KIF6: variants seen among roughly 807,000 people sequenced by gnomAD.
The protein encoded by KIF6 is kinesin family member 6.
A neutral mutation model predicts 112.7 loss-of-function variants in KIF6; 106 were observed. The ratio of observed to expected loss-of-function variants is 0.94; its 90% CI spans 0.80 to 1.11. KIF6 has a LOEUF of 1.11. Ranked by LOEUF, KIF6 falls within the 50% of genes least tolerant of loss-of-function variation. The pLI is 0.00. For missense variants in KIF6, 929 were observed against 964.0 expected, an observed-to-expected ratio of 0.96 and a Z score of 0.48; for synonymous variants, 339 against 339.9, an observed-to-expected ratio of 1.00 and a Z score of 0.03.
intron 13 of KIF6, among the ~76,000 whole-genome samples, chr6:39,465,942 C>T (rs1327810344): frequency 6.6e-6 from 1 of 152,176 alleles, no homozygotes; most frequent in Non-Finnish European, 1.5e-5. Context: ...GCCCCTGAAG[C>T]CCACTTTAAT....
chr6:39,349,135 G>C (rs1764017893), intron 19 of KIF6, among the ~76,000 whole-genome samples: 1 of 152,208 alleles, frequency 6.6e-6, no homozygotes, highest in Non-Finnish European at 1.5e-5. Flanking sequence ...TTGAAGTCCA[G>C]GGTTCTCGAC....
chr6:39,495,945 T>C (rs1028378003), intron 13 of KIF6, among the ~76,000 whole-genome samples: 11 of 152,302 alleles, frequency 7.2e-5, no homozygotes, highest in African/African-American at 2.2e-4. Flanking sequence ...GACCCCAGAA[T>C]AAGAAAGAAG....
Position 39,590,294 on chromosome 6 carries a change from C to CT in KIF6, c.847-3891dup, listed in dbSNP as rs368256644. 1.1e-3 allele frequency among the ~76,000 whole-genome samples: 170 copies of CT among 152,048 alleles called. 2 individuals carry two copies. The highest frequency in any genetic ancestry group is 3.9e-3 in the African/African-American group (162 of 41,492). On this transcript the variant is annotated intron_variant, in intron 7 of 22. Transcript: ENST00000287152. ...GAAGTTCTTATATAAAACAAATTCA[C>CT]TTTTTTTCCTGCTCTAGGAAACAAT...
chr6:39,600,532 T>C (rs922353906), intron 6 of KIF6, among the ~76,000 whole-genome samples: 3 of 152,192 alleles, frequency 2.0e-5, no homozygotes, highest in African/African-American at 7.2e-5. Flanking sequence ...GCTGATCCTC[T>C]AGGTAATATC....
chr6:39,330,212 C>T lies in KIF6; in HGVS notation c.*6320G>A, dbSNP rs919139730. 1 of 152,146 alleles carries T rather than the reference C, an allele frequency of 6.6e-6. No homozygotes were observed. Among genetic ancestry groups the T allele is most frequent in the African/African-American group, 2.4e-5 (1 of 41,422 alleles). The allele number at this position is 152,146 out of a possible 1,614,324, so 9.4% of individuals were successfully genotyped here. On this transcript the variant is annotated 3_prime_UTR_variant, in exon 23 of 23. Transcript: ENST00000287152. ...GGAAGCCCTAAAACAGCTTCATAGGCATAAGTCCTAGAGCACCTTGGGACA... is the reference window on the plus strand; with the variant it reads ...GGAAGCCCTAAAACAGCTTCATAGGTATAAGTCCTAGAGCACCTTGGGACA...
chr6:39,571,615 T>C (rs1273376078), intron 10 of KIF6, among the ~76,000 whole-genome samples: 1 of 152,208 alleles, frequency 6.6e-6, no homozygotes. Context: ...TAAACATTCA[T>C]TAAATGAATG....
intron 13 of KIF6, among the ~76,000 whole-genome samples, chr6:39,473,907 A>T (rs1016625306): frequency 3.3e-5 from 5 of 152,274 alleles, no homozygotes; most frequent in Admixed American, 1.3e-4. Context: ...TTCAATGAAT[A>T]ATTTTCTCTG....
intron 3 of KIF6, among the ~76,000 whole-genome samples, chr6:39,646,848 C>T (rs898019522): frequency 6.6e-6 from 1 of 152,032 alleles, no homozygotes; most frequent in African/African-American, 2.4e-5. Context: ...GCCTTTCACA[C>T]AGTTCTGAGA....
At chr6:39,544,504 C>T (rs1179164718) in intron 12 of KIF6, 51 bp downstream of exon 12, 8 of 1,567,568 alleles carry the variant, frequency 5.1e-6, no homozygotes, top group Non-Finnish European at 6.0e-6. Flanking sequence ...TGCTGTTTAC[C>T]CCTTTCAAAC....
At chr6:39,714,607 C>T (rs1264013601) in intron 3 of KIF6, 85 bp downstream of exon 3, 4 of 874,772 alleles carry the variant, frequency 4.6e-6, no homozygotes, top group African/African-American at 1.7e-5. Context: ...AATTGATACA[C>T]TTAAGCACAC....
Position 39,343,067 on chromosome 6 carries a change from G to T in KIF6, c.2428+642C>A, listed in dbSNP as rs1158152131. 2.0e-6 allele frequency: 2 copies of T among 985,310 alleles called. No homozygotes were observed. Among genetic ancestry groups the T allele is most frequent in the African/African-American group, 1.7e-5 (1 of 57,224 alleles). The allele number at this position is 985,310 out of a possible 1,614,324, so 61.0% of individuals were successfully genotyped here. ...GGGCCCTGGGGCTTGCCCTGTGGGT[G>T]TGTTGGGGATGGAAGGCAGAAAGAG... On this transcript the variant is annotated intron_variant, in intron 22 of 22. Transcript: ENST00000287152. The surrounding 1 kb of genome is among the most constrained non-coding windows in gnomAD (Gnocchi z 4.1).
intron 13 of KIF6, among the ~76,000 whole-genome samples, chr6:39,470,477 C>G (rs1774054439): frequency 6.6e-6 from 1 of 152,060 alleles, no homozygotes; most frequent in South Asian, 2.1e-4. Flanking sequence ...TCTGAGCACT[C>G]CAAAATGAAA....
intron 14 of KIF6, among the ~76,000 whole-genome samples, chr6:39,429,233 C>T (rs368547990): frequency 7.2e-5 from 11 of 152,286 alleles, no homozygotes; most frequent in African/African-American, 1.4e-4. Flanking sequence ...TTCCTTCTTC[C>T]GGGTCTACCT....
intron 10 of KIF6, among the ~76,000 whole-genome samples, chr6:39,550,504 C>A (rs932720758): frequency 1.3e-5 from 2 of 152,058 alleles, no homozygotes; most frequent in Non-Finnish European, 2.9e-5. Flanking sequence ...TCGGGGGATG[C>A]AAAGCAATGG....
At chr6:39,499,021 G>A (rs1410324638) in intron 13 of KIF6, among the ~76,000 whole-genome samples, 1 of 152,254 alleles carries the variant, frequency 6.6e-6, no homozygotes, top group Non-Finnish European at 1.5e-5. Flanking sequence ...ACTACAGGGT[G>A]TGATATGGAG....
chr6:39,428,891 G>A (rs1183510644), intron 14 of KIF6, among the ~76,000 whole-genome samples: 1 of 152,196 alleles, frequency 6.6e-6, no homozygotes, highest in Non-Finnish European at 1.5e-5. Context: ...CCCCAGTGAT[G>A]GATACTCAGC....
intron 5 of KIF6, chr6:39,617,636 G>A (rs1783591635): frequency 2.2e-6 from 1 of 445,858 alleles, no homozygotes. Context: ...TCTGTCATAA[G>A]GCAATGAAGA....
At chr6:39,632,016 G>C (rs922665551) in intron 5 of KIF6, among the ~76,000 whole-genome samples, 1 of 152,034 alleles carries the variant, frequency 6.6e-6, no homozygotes, top group African/African-American at 2.4e-5. Flanking sequence ...TGTTAATTTA[G>C]ATGTCAGTAT....
Position 39,349,753 on chromosome 6 carries a change from C to T in KIF6, c.2181-3227G>A, listed in dbSNP as rs186231062. On this transcript the variant is annotated intron_variant, in intron 19 of 22. Coordinates refer to ENST00000287152, the MANE Select transcript of KIF6 (RefSeq NM_145027.6). ...TACCTCCTGGGTTCAAGCGATTCTT[C>T]TGCCTCCGCCTCCTGAGTAGCTGGG... Among the ~76,000 whole-genome samples the T allele has an allele frequency of 5.1e-3, 729 of 144,266 alleles. 7 individuals carry two copies. The highest frequency in any genetic ancestry group is 0.017 in the African/African-American group (667 of 39,242). 94.6% of individuals were successfully genotyped at this position (144,266 alleles called of 152,430 possible). A position where few individuals can be genotyped will look rare whatever the true frequency, so the allele number is the denominator to read the frequency against.
Sources: allele counts gnomAD v4.1 joint callset (sites outside exome capture counted in the v4.1 genomes callset), GRCh38; gene constraint gnomAD v4.1.1; non-coding constraint Gnocchi (gnomAD v3.1); transcripts MANE v1.5; gene names NCBI Gene and HGNC (gene_info 2026-07-23, HGNC 2026-07-21).